C4orf50: variants seen among roughly 807,000 people sequenced by gnomAD.
C4orf50 encodes the protein uncharacterized protein C4orf50.
In C4orf50, 80 loss-of-function variants were observed where a neutral mutation model predicts 77.2. The ratio of observed to expected loss-of-function variants is 1.04; its 90% CI spans 0.87 to 1.25. The LOEUF (loss-of-function observed/expected upper bound fraction) is 1.25, where lower values mean the gene tolerates loss of function less well. Ranked by LOEUF, C4orf50 falls within the 50% of genes most tolerant of loss-of-function variation. The pLI is 0.00. For missense variants in C4orf50, 1,257 were observed against 1,152.9 expected, an observed-to-expected ratio of 1.09 and a Z score of -1.31; for synonymous variants, 532 against 465.3, an observed-to-expected ratio of 1.14 and a Z score of -1.84.
At chr4:5,943,133 A>G (rs528227656) in intron 7 of C4orf50, among the ~76,000 whole-genome samples, 1 of 152,336 alleles carries the variant, frequency 6.6e-6, no homozygotes, top group Non-Finnish European at 1.5e-5. Flanking sequence ...CCTGAGCCAG[A>G]ATCGATGCTC....
chr4:6,011,393 A>G lies in C4orf50; in HGVS notation c.426+437T>C, dbSNP rs74439460. Among the ~76,000 whole-genome samples the G allele has an allele frequency of 7.3e-3, 1,115 of 151,954 alleles. 14 individuals are homozygous for G. Among genetic ancestry groups the G allele is most frequent in the African/African-American group, 0.026 (1,068 of 41,424 alleles). The stretch of plus-strand genomic sequence containing the variant: ...CCCTTCCCAACAAGGCCCAGCTCAC[A>G]TGGCCTCAGCTCTCTGTAGCTCTCC... On this transcript the variant is annotated intron_variant, in intron 24 of 33. Coordinates refer to ENST00000531445, the Ensembl canonical transcript of C4orf50. The surrounding 1 kb of genome is among the most constrained non-coding windows in gnomAD (Gnocchi z 4.2).
chr4:5,959,630 C>T lies in C4orf50; in HGVS notation c.4276-4G>A. ...TGGACACCAAGGACAGAGGGAGCTGCAGGCAAGAGGACAATGAAATGGTCT... is the reference window on the plus strand; with the variant it reads ...TGGACACCAAGGACAGAGGGAGCTGTAGGCAAGAGGACAATGAAATGGTCT... On this transcript the variant is annotated splice_polypyrimidine_tract_variant and splice_region_variant and intron_variant, in intron 33 of 33. Coordinates refer to ENST00000531445, the Ensembl canonical transcript of C4orf50. 1.2e-6 allele frequency: 2 copies of T among 1,610,656 alleles called. No individual in the cohort carries two copies. Among genetic ancestry groups the T allele is most frequent in the Non-Finnish European group, 1.7e-6 (2 of 1,177,344 alleles).
At chr4:5,981,813 G>A (rs896332458) in intron 28 of C4orf50, among the ~76,000 whole-genome samples, 58 of 146,648 alleles carry the variant, frequency 4.0e-4, no homozygotes, top group African/African-American at 1.4e-3. Flanking sequence ...AAACTCAAAC[G>A]CTTCTCAAAC....
In C4orf50 at chr4:6,011,756, A is replaced by T. The variant is rs1004205937; in HGVS notation, c.426+74T>A. ...GCCCACCCTGTACTGTCTTTGCCCAACTGCAGCTGCTGCTGAGTTCCCACG... is the reference window on the plus strand; with the variant it reads ...GCCCACCCTGTACTGTCTTTGCCCATCTGCAGCTGCTGCTGAGTTCCCACG... On this transcript the variant is annotated intron_variant, in intron 24 of 33. Coordinates refer to ENST00000531445, the Ensembl canonical transcript of C4orf50. The surrounding 1 kb of genome is among the most constrained non-coding windows in gnomAD (Gnocchi z 4.2). 3 of 398,786 alleles carry T rather than the reference A, an allele frequency of 7.5e-6. No homozygotes were observed. The highest frequency in any genetic ancestry group is 1.3e-5 in the Non-Finnish European group (3 of 226,116). The allele number at this position is 398,786 out of a possible 1,614,324, so 24.7% of individuals were successfully genotyped here.
rs369036979 is a variant in C4orf50, at chr4:5,969,996, G to A, written c.4105-2534C>T. ...CAGTGCTGTGTCCCAGGTGAGCCCCGGCAACCCTCTTCTCCTCTCCTTTGG... is the reference window on the plus strand; with the variant it reads ...CAGTGCTGTGTCCCAGGTGAGCCCCAGCAACCCTCTTCTCCTCTCCTTTGG... On this transcript the variant is annotated intron_variant, in intron 31 of 33. Coordinates refer to ENST00000531445, the Ensembl canonical transcript of C4orf50. Among the ~76,000 whole-genome samples the A allele has an allele frequency of 9.5e-4, 144 of 152,204 alleles. 2 individuals carry two copies. The highest frequency in any genetic ancestry group is 6.8e-3 in the Middle Eastern group (2 of 294).
intron 29 of C4orf50, among the ~76,000 whole-genome samples, chr4:5,976,237 A>T (rs1177503833): frequency 6.6e-6 from 1 of 151,916 alleles, no homozygotes; most frequent in Non-Finnish European, 1.5e-5. Context: ...CGAGGTCAGG[A>T]GATCGAGACC....
At chr4:5,984,436 A>T (rs2108784832) in intron 28 of C4orf50, among the ~76,000 whole-genome samples, 1 of 152,342 alleles carries the variant, frequency 6.6e-6, no homozygotes, top group Non-Finnish European at 1.5e-5. Flanking sequence ...TCTTCAAAAT[A>T]ATTATGATCT....
At chr4:5,907,547 C>A (rs549779663) in intron 7 of C4orf50, among the ~76,000 whole-genome samples, 157 of 152,276 alleles carry the variant, frequency 1.0e-3, no homozygotes, top group African/African-American at 3.7e-3. Flanking sequence ...AACTGATGAT[C>A]TCTACAGGCG....
intron 26 of C4orf50, 63 bp downstream of exon 4, chr4:5,994,284 G>C (rs945231447): frequency 5.0e-6 from 2 of 398,770 alleles, no homozygotes; most frequent in African/African-American, 2.1e-5. Flanking sequence ...AGGAGGAAGT[G>C]AGCTAGCCAT....
chr4:5,973,488 C>G (rs1207693813), intron 31 of C4orf50, among the ~76,000 whole-genome samples, 171 bp downstream of exon 9: 1 of 152,170 alleles, frequency 6.6e-6, no homozygotes, highest in African/African-American at 2.4e-5. Flanking sequence ...CCATGCCCAC[C>G]CAGGGCATGG....
rs1375583627 is a variant in C4orf50, at chr4:5,970,925, G to C, written c.4104+2734C>G. Among the ~76,000 whole-genome samples the C allele has an allele frequency of 5.9e-5, 9 of 152,178 alleles. No individual in the cohort carries two copies. Among genetic ancestry groups the C allele is most frequent in the Non-Finnish European group, 1.3e-4 (9 of 68,030 alleles). ...CGAGGGGGAGGGCAGCATGAGTCTTGGCCACCATGACTTGGCTGGATAAAT... is the reference window on the plus strand; with the variant it reads ...CGAGGGGGAGGGCAGCATGAGTCTTCGCCACCATGACTTGGCTGGATAAAT... On this transcript the variant is annotated intron_variant, in intron 31 of 33. Transcript: ENST00000531445. This position sits in a 1 kb window ranked among gnomAD's most constrained non-coding sequence, Gnocchi z 4.3.
In C4orf50 at chr4:6,017,358, G is replaced by A. The variant is rs1406198111; in HGVS notation, c.287+787C>T. On this transcript the variant is annotated intron_variant, in intron 23 of 33. Coordinates refer to ENST00000531445, the Ensembl canonical transcript of C4orf50. The surrounding 1 kb of genome is among the most constrained non-coding windows in gnomAD (Gnocchi z 4.7). ...GGGAGCTGGGACCGCAGAGGAAGCC[G>A]AGAGCACATCTGAGTTACAGCCACA... Among the ~76,000 whole-genome samples the A allele has an allele frequency of 3.3e-5, 5 of 152,330 alleles. No homozygotes were observed. The highest frequency in any genetic ancestry group is 3.9e-4 in the East Asian group (2 of 5,174).
rs902056198 is a variant in C4orf50 at position 5,919,770 on chromosome 4, C to T, written c.*2475-21582G>A. ...CGCTGCCATGGCAGACAAGAAAATG[C>T]TCTCTTGCTGAGCTCCCACAAAGCC... On this transcript the variant is annotated intron_variant, in intron 7 of 7. Coordinates refer to the C4orf50 transcript ENST00000324058. This position sits in a 1 kb window ranked among gnomAD's most constrained non-coding sequence, Gnocchi z 6.5. Among the ~76,000 whole-genome samples the T allele has an allele frequency of 6.6e-6, 1 of 152,176 alleles. No homozygotes were observed. The highest frequency in any genetic ancestry group is 6.5e-5 in the Admixed American group (1 of 15,280).
At chr4:5,971,540 T>G (rs1719916505) in intron 31 of C4orf50, among the ~76,000 whole-genome samples, 1 of 152,150 alleles carries the variant, frequency 6.6e-6, no homozygotes, top group African/African-American at 2.4e-5. Context: ...CGGAAGCGTG[T>G]CCAGGCCCAG....
rs948709808 is a variant in C4orf50 at position 6,008,319 on chromosome 4, G to A, written c.640C>T (p.Arg214Cys). 3 of 388,580 alleles carry A rather than the reference G, an allele frequency of 7.7e-6. No individual in the cohort carries two copies. The highest frequency in any genetic ancestry group is 8.9e-5 in the Admixed American group (2 of 22,358). The allele number at this position is 388,580 out of a possible 1,614,324, so 24.1% of individuals were successfully genotyped here. The change falls in exon 25 of 34, where the codon CGC becomes TGC. Residue 214 changes from arginine (R) to cysteine (C), a missense_variant. Physicochemically the swap from Arg to Cys is radical, Grantham distance 180 (BLOSUM62 -3). Coordinates refer to ENST00000531445, the Ensembl canonical transcript of C4orf50. This position sits in a 1 kb window ranked among gnomAD's most constrained non-coding sequence, Gnocchi z 6.0. ...TGGGCCAGCAGGAGGCCCGCGGCGC[G>A]GCAGAGGCGCCGCACGTTGCGCTCC...
intron 7 of C4orf50, among the ~76,000 whole-genome samples, chr4:5,935,011 G>A (rs575051992): frequency 3.9e-5 from 6 of 152,210 alleles, no homozygotes; most frequent in Non-Finnish European, 7.3e-5. Context: ...TTAATAGTGC[G>A]CAGATACAGT....
downstream of C4orf50, among the ~76,000 whole-genome samples, chr4:5,953,610 T>G (rs748446): frequency 0.67 from 102,482 of 152,094 alleles, 35,702 homozygotes; most frequent in African/African-American, 0.79. Context: ...AGGACTGTTC[T>G]CAGGCCAGGT....
intron 7 of C4orf50, among the ~76,000 whole-genome samples, chr4:5,923,750 T>C (rs564760668): frequency 6.6e-6 from 1 of 152,326 alleles, no homozygotes; most frequent in African/African-American, 2.4e-5. Context: ...TCATGGTTAA[T>C]ACTGAGTGTC....
chr4:6,009,076 A>G lies in C4orf50; in HGVS notation c.427-544T>C, dbSNP rs956290582. ...TACTCCACCTGGAGGGAGGTACGTT[A>G]CTAGCCTGAGAGACACTCAGGAGTG... On this transcript the variant is annotated intron_variant, in intron 24 of 33. Transcript: ENST00000531445. The surrounding 1 kb of genome is among the most constrained non-coding windows in gnomAD (Gnocchi z 5.6). 2.6e-5 allele frequency among the ~76,000 whole-genome samples: 4 copies of G among 152,232 alleles called. No homozygotes were observed. The highest frequency in any genetic ancestry group is 7.2e-5 in the African/African-American group (3 of 41,458).
Sources: allele counts gnomAD v4.1 joint callset (sites outside exome capture counted in the v4.1 genomes callset), GRCh38; gene constraint gnomAD v4.1.1; non-coding constraint Gnocchi (gnomAD v3.1); transcripts MANE v1.5; gene names NCBI Gene and HGNC (gene_info 2026-07-23, HGNC 2026-07-21).